The following RGPD2 variants were observed in gnomAD, a reference collection of about 807,000 sequenced individuals.
RGPD2 encodes the protein RANBP2 like and GRIP domain containing 2, also known as RANBP2-like and GRIP domain-containing protein 2.
In RGPD2, 2 loss-of-function variants were observed where a neutral mutation model predicts 36.0. The observed-to-expected ratio is 0.06, with a 90% CI of 0.02 to 0.17. The LOEUF (loss-of-function observed/expected upper bound fraction) is 0.17, where lower values mean the gene tolerates loss of function less well. RGPD2 is among the 10% of genes least tolerant of loss of function. The pLI is 1.00. For synonymous variants in RGPD2, 19 were observed against 163.8 expected (o/e 0.12, Z 6.75); for missense variants, 40 against 464.3 (o/e 0.09, Z 8.40).
At chr2:87,975,975 G>A in the RGPD2 span, among the ~76,000 whole-genome samples, 1 of 151,846 alleles carries the variant, frequency 6.6e-6, no homozygotes, top group African/African-American at 2.4e-5. Flanking sequence ...AAAATGTAAT[G>A]AATGAAATTT....
the RGPD2 span, among the ~76,000 whole-genome samples, chr2:87,988,541 A>ATATATATATATATATATATATATATTT: frequency 7.4e-5 from 4 of 54,148 alleles, no homozygotes; most frequent in East Asian, 1.5e-3. Context: ...ATATATATAT[A>ATATATATATATATATATATATATATTT]TTTTTTTTTT....
the RGPD2 span, among the ~76,000 whole-genome samples, chr2:87,957,535 A>G: frequency 6.6e-6 from 1 of 151,606 alleles, no homozygotes; most frequent in Non-Finnish European, 1.5e-5. Flanking sequence ...GTACCTTCGT[A>G]TAATGGATGT....
At chr2:87,915,603 T>C in the RGPD2 span, among the ~76,000 whole-genome samples, 41 of 145,996 alleles carry the variant, frequency 2.8e-4, no homozygotes, top group African/African-American at 8.3e-4. Flanking sequence ...TATATATGTG[T>C]GTGTATATAT....
In RGPD2 at chr2:87,825,402, C is replaced by CAGGCCG. The variant is rs1553430520; in HGVS notation, c.72+250_72+255dup. Among the ~76,000 whole-genome samples, 21 of 130,474 alleles carry CAGGCCG rather than the reference C, an allele frequency of 1.6e-4. 1 individual carries two copies. The highest frequency in any genetic ancestry group is 6.6e-4 in the Admixed American group (9 of 13,684). 85.6% of individuals were successfully genotyped at this position (130,474 alleles called of 152,430 possible). The stretch of plus-strand genomic sequence containing the variant: ...GCCGCCGCCGCCGCCGCCGCCCGGC[C>CAGGCCG]AGGCCGAGGCCGAGGCCGCCGCCGC... On this transcript the variant is annotated intron_variant, in intron 1 of 22. Coordinates refer to ENST00000398146, the MANE Select transcript of RGPD2 (RefSeq NM_001078170.3).
the RGPD2 span, among the ~76,000 whole-genome samples, chr2:87,940,089 C>T: frequency 6.6e-6 from 1 of 151,754 alleles, no homozygotes. Context: ...TTTAACTAAC[C>T]ACTTGTGTCC....
chr2:87,789,964 CT>C (rs1172823256), intron 17 of RGPD2, among the ~76,000 whole-genome samples: 1 of 152,308 alleles, frequency 6.6e-6, no homozygotes, highest in Non-Finnish European at 1.5e-5. Flanking sequence ...ATGTGGCTAC[CT>C]GATCTCTGCT....
chr2:87,988,492 T>C, the RGPD2 span, among the ~76,000 whole-genome samples: 3 of 122,402 alleles, frequency 2.5e-5, no homozygotes, highest in Non-Finnish European at 5.3e-5. Flanking sequence ...CCAGATGTTC[T>C]TGCAAGAGGC....
chr2:87,861,455 C>T, the RGPD2 span, among the ~76,000 whole-genome samples: 2 of 152,022 alleles, frequency 1.3e-5, no homozygotes, highest in East Asian at 3.9e-4. Context: ...GATGAACCAC[C>T]AATTTTGTAT....
chr2:87,882,533 T>G, the RGPD2 span, among the ~76,000 whole-genome samples: 7 of 152,378 alleles, frequency 4.6e-5, no homozygotes, highest in East Asian at 1.3e-3. Flanking sequence ...CATTGTATGA[T>G]TCCATTAGCT....
rs1343162176 is a variant in RGPD2 at position 87,825,072 on chromosome 2, T to TA, written c.72+585dup. On this transcript the variant is annotated intron_variant, in intron 1 of 22. Coordinates refer to ENST00000398146, the MANE Select transcript of RGPD2 (RefSeq NM_001078170.3). ...CCCCCCTCACCAAAGCCCATAAAAA[T>TA]AAAAAACTATAGTAAACCCTGAGAA... 282 of 378,578 alleles carry TA rather than the reference T, an allele frequency of 7.4e-4. 2 individuals are homozygous for TA. The highest frequency in any genetic ancestry group is 7.0e-4 in the Non-Finnish European group (151 of 215,950). The allele number at this position is 378,578 out of a possible 1,614,324, so 23.5% of individuals were successfully genotyped here. A position where few individuals can be genotyped will look rare whatever the true frequency, so the allele number is the denominator to read the frequency against.
chr2:87,877,411 C>T, the RGPD2 span, among the ~76,000 whole-genome samples: 4 of 152,294 alleles, frequency 2.6e-5, no homozygotes, highest in African/African-American at 7.2e-5. Context: ...TAATGAATTT[C>T]CACAGCATTT....
intron 1 of RGPD2, among the ~76,000 whole-genome samples, chr2:87,822,173 A>G (rs1369085188): frequency 1.3e-5 from 2 of 152,206 alleles, no homozygotes; most frequent in Non-Finnish European, 2.9e-5. Context: ...TGAAACATGA[A>G]TTCCCCAGTC....
Position 87,825,502 on chromosome 2 carries a change from C to A in RGPD2, c.72+156G>T, listed in dbSNP as rs1349512879. On this transcript the variant is annotated intron_variant, in intron 1 of 22. Coordinates refer to ENST00000398146, the MANE Select transcript of RGPD2 (RefSeq NM_001078170.3). Reference sequence around the variant, plus strand: ...CGCCGCCGCCGCCGCCCGGCCGAGGCCGAGGCCGAGGCCGCCGCCCGGCCG... The same window carrying A: ...CGCCGCCGCCGCCGCCCGGCCGAGGACGAGGCCGAGGCCGCCGCCCGGCCG... Among the ~76,000 whole-genome samples the A allele has an allele frequency of 2.5e-3, 180 of 72,154 alleles. 1 individual carries two copies. Among genetic ancestry groups the A allele is most frequent in the Non-Finnish European group, 3.9e-3 (137 of 34,868 alleles). 47.3% of individuals were successfully genotyped at this position (72,154 alleles called of 152,430 possible).
chr2:87,977,138 T>C, the RGPD2 span, among the ~76,000 whole-genome samples: 547 of 88,540 alleles, frequency 6.2e-3, no homozygotes, highest in African/African-American at 0.023. Context: ...CTTCAGGAGC[T>C]GTGAATTGTT....
At chr2:87,829,555 C>CA (rs1686919113), upstream of RGPD2, among the ~76,000 whole-genome samples, 1 of 151,732 alleles carries the variant, frequency 6.6e-6, no homozygotes, top group African/African-American at 2.4e-5. Flanking sequence ...GGGGAGGCCT[C>CA]AAAATCACAG....
intron 22 of RGPD2, among the ~76,000 whole-genome samples, chr2:87,762,249 A>G (rs1684908297): frequency 1.1e-5 from 1 of 92,050 alleles, no homozygotes; most frequent in Non-Finnish European, 1.9e-5. Flanking sequence ...GTCTTGGCAA[A>G]AGGCCTTAGC....
chr2:87,853,229 C>T, the RGPD2 span, among the ~76,000 whole-genome samples: 1 of 150,254 alleles, frequency 6.7e-6, no homozygotes, highest in Non-Finnish European at 1.5e-5. Context: ...TCTTTTGACT[C>T]TATTTTTTTA....
upstream of RGPD2, chr2:87,825,991 C>G (rs558989158): frequency 2.0e-5 from 9 of 456,354 alleles, no homozygotes; most frequent in African/African-American, 1.6e-4. Context: ...AATCCCAACA[C>G]TTTGGGAGGC....
At chr2:87,845,958 G>T in the RGPD2 span, among the ~76,000 whole-genome samples, 1 of 151,160 alleles carries the variant, frequency 6.6e-6, no homozygotes, top group Non-Finnish European at 1.5e-5. Context: ...TTTTCTTAAT[G>T]ATTAAAATTT....
Sources: gnomAD v4.1 joint callset for allele counts (sites outside exome capture counted in the v4.1 genomes callset) on GRCh38, gnomAD v4.1.1 for gene constraint, MANE v1.5 for transcripts, NCBI Gene and HGNC (gene_info 2026-07-23, HGNC 2026-07-21) for gene names.